CD1D: variants seen among roughly 807,000 people sequenced by gnomAD.
The protein encoded by CD1D is antigen-presenting glycoprotein CD1d.
A neutral mutation model predicts 42.1 loss-of-function variants in CD1D; 40 were observed. The observed-to-expected ratio is 0.95, with a 90% CI of 0.74 to 1.24. CD1D has a LOEUF of 1.24. Among genes scored for constraint, CD1D ranks in the 50% most tolerant of loss-of-function variants. The probability of loss-of-function intolerance (pLI) is 0.00; values close to 1 mark genes in which losing one functional copy is unlikely to be tolerated. For synonymous variants in CD1D, 178 were observed against 171.8 expected (o/e 1.04, Z -0.28); for missense variants, 437 against 416.5 (o/e 1.05, Z -0.43).
Position 158,181,067 on chromosome 1 carries a change from C to T in CD1D, c.-35C>T. On this transcript the variant is annotated 5_prime_UTR_variant, in exon 1 of 6. Coordinates refer to ENST00000674085, the MANE Select transcript of CD1D (RefSeq NM_001371762.2). ...AGTGCGCAGGTCAGAGGGCGGCGCG[C>T]AGCGGCGCTCCGCGAGGTCCCCACG... The T allele has an allele frequency of 2.6e-6, 4 of 1,521,118 alleles. No individual in the cohort carries two copies. The highest frequency in any genetic ancestry group is 2.6e-6 in the Non-Finnish European group (3 of 1,132,558). 94.2% of individuals were successfully genotyped at this position (1,521,118 alleles called of 1,614,324 possible).
At chr1:158,181,847 T>A in intron 2 of CD1D, 126 bp downstream of exon 2, 2 of 1,395,282 alleles carry the variant, frequency 1.4e-6, no homozygotes, top group South Asian at 2.6e-5. Context: ...CTGATTTCCC[T>A]TCTACCTGGA....
chr1:158,180,832 G>T (rs1648355190), upstream of CD1D: 1 of 393,658 alleles, frequency 2.5e-6, no homozygotes, highest in Admixed American at 4.1e-5. Flanking sequence ...ATTGAGACAC[G>T]CCGGTTGTGA....
At chr1:158,181,921 T>G in intron 2 of CD1D, 111 bp from the exon 3 acceptor site, 1 of 1,429,406 alleles carries the variant, frequency 7.0e-7, no homozygotes, top group Non-Finnish European at 9.5e-7. Context: ...TCACTTACTT[T>G]CCTTTCCCTG....
Position 158,183,120 on chromosome 1 carries a change from A to G in CD1D, c.850A>G (p.Ser284Gly), listed in dbSNP as rs143328267. The part of the protein sequence containing the change: ...AAGLSCRVKH[S>G]SLEGQDIVLY... ...TGGCCTGTCCTGTCGGGTGAAGCAC[A>G]GCAGTCTAGAGGGCCAGGACATCGT... is the stretch of plus-strand genomic sequence containing the variant. Residue 284 changes from serine to glycine, a missense_variant, in exon 4 of 6, where the codon AGC (serine) becomes GGC (glycine). Transcript: ENST00000674085. The G allele has an allele frequency of 2.9e-4, 462 of 1,613,488 alleles. 2 individuals are homozygous for G. The highest frequency in any genetic ancestry group is 4.8e-4 in the Admixed American group (29 of 60,016).
In CD1D at chr1:158,181,547, G is replaced by T. The variant is rs770791482; in HGVS notation, c.154G>T (p.Glu52Ter). 7.4e-6 allele frequency: 12 copies of T among 1,614,020 alleles called. No individual in the cohort carries two copies. The highest frequency in any genetic ancestry group is 1.0e-5 in the Non-Finnish European group (12 of 1,180,040). Residue 52 changes from glutamate (E) to a stop codon, truncating the protein, a stop_gained, in exon 2 of 6, where the codon GAG (glutamate) becomes TAG (stop). Coordinates refer to ENST00000674085, the MANE Select transcript of CD1D (RefSeq NM_001371762.2). LOFTEE classifies it high-confidence loss of function. ...CACCGACGGCTTGGCGTGGCTGGGGGAGCTGCAGACGCACAGCTGGAGCAA... is the reference window on the plus strand; with the variant it reads ...CACCGACGGCTTGGCGTGGCTGGGGTAGCTGCAGACGCACAGCTGGAGCAA... ...TRTDGLAWLG[E>*]LQTHSWSNDS... is the part of the protein sequence containing the mutation.
chr1:158,181,792 A>T, intron 2 of CD1D, 71 bp downstream of exon 2: 1 of 1,555,736 alleles, frequency 6.4e-7, no homozygotes, highest in Non-Finnish European at 8.8e-7. Flanking sequence ...CAACTGGGAG[A>T]CTGTGGCACC....
chr1:158,180,434 T>G (rs1648338576), upstream of CD1D, among the ~76,000 whole-genome samples: 2 of 151,942 alleles, frequency 1.3e-5, no homozygotes, highest in African/African-American at 4.8e-5. Context: ...GCAAGGACCA[T>G]GACAGGAGGA....
Position 158,181,041 on chromosome 1 carries a change from G to T in CD1D, c.-61G>T. The T allele has an allele frequency of 7.1e-7, 1 of 1,408,170 alleles. No homozygotes were observed. The highest frequency in any genetic ancestry group is 9.6e-7 in the Non-Finnish European group (1 of 1,046,670). The allele number at this position is 1,408,170 out of a possible 1,614,324, so 87.2% of individuals were successfully genotyped here. ...ACGTGAGCTGAGCGGCGGGGGAGAA[G>T]AGTGCGCAGGTCAGAGGGCGGCGCG... is the stretch of plus-strand genomic sequence containing the variant. On this transcript the variant is annotated 5_prime_UTR_variant, in exon 1 of 6. Coordinates refer to ENST00000674085, the MANE Select transcript of CD1D (RefSeq NM_001371762.2).
chr1:158,182,455 C>A (rs753823102), intron 3 of CD1D, 145 bp downstream of exon 3: 2 of 862,728 alleles, frequency 2.3e-6, no homozygotes, highest in Admixed American at 4.5e-5. Context: ...TTATTCATTT[C>A]ACAGACATCA....
In CD1D at chr1:158,181,177, G is replaced by A; in HGVS notation, c.61+15G>A. 6.5e-7 allele frequency: 1 copy of A among 1,549,624 alleles called. No individual in the cohort carries two copies. Among genetic ancestry groups the A allele is most frequent in the Non-Finnish European group, 8.7e-7 (1 of 1,146,766 alleles). ...AAGCGCTGAAGGTGGGTGGAACGAG[G>A]GCGCTTGAGTGCACTCGCGGGAGGG... On this transcript the variant is annotated intron_variant, in intron 1 of 5. Transcript: ENST00000674085.
Position 158,181,577 on chromosome 1 carries a change from T to C in CD1D, c.184T>C (p.Ser62Pro). 1.2e-6 allele frequency: 2 copies of C among 1,614,060 alleles called. No individual in the cohort carries two copies. Among genetic ancestry groups the C allele is most frequent in the Non-Finnish European group, 1.7e-6 (2 of 1,180,034 alleles). Residue 62 changes from serine to proline, a missense_variant, in exon 2 of 6, where the codon TCG (serine) becomes CCG (proline). Ser to Pro is a moderately conservative substitution (Grantham distance 74). Coordinates refer to ENST00000674085, the MANE Select transcript of CD1D (RefSeq NM_001371762.2). Reference protein sequence around the residue: ...ELQTHSWSNDSDTVRSLKPWS... With the variant: ...ELQTHSWSNDPDTVRSLKPWS... ...GCAGACGCACAGCTGGAGCAACGAC[T>C]CGGACACCGTCCGCTCTCTGAAGCC... is the stretch of plus-strand genomic sequence containing the variant.
rs1648665748 is a variant in CD1D at position 158,185,516 on chromosome 1, CTG to C, written c.*1368_*1369del. Among the ~76,000 whole-genome samples the C allele has an allele frequency of 6.6e-6, 1 of 152,052 alleles. No individual in the cohort carries two copies. The highest frequency in any genetic ancestry group is 1.5e-5 in the Non-Finnish European group (1 of 67,982). On this transcript the variant is annotated 3_prime_UTR_variant, in exon 6 of 6. Transcript: ENST00000674085. ...TCAGCCTGGGCAACATAGTGAGACC[CTG>C]TCTCTACAAAAAATTAAAAAACTAG...
chr1:158,179,101 C>T (rs1648280284), upstream of CD1D, among the ~76,000 whole-genome samples: 1 of 152,074 alleles, frequency 6.6e-6, no homozygotes, highest in Admixed American at 6.5e-5. Flanking sequence ...AAAAACTAAA[C>T]AGAACTGTTC....
chr1:158,179,470 G>C (rs1648294497), upstream of CD1D, among the ~76,000 whole-genome samples: 1 of 152,184 alleles, frequency 6.6e-6, no homozygotes, highest in Non-Finnish European at 1.5e-5. Context: ...AGATTATGGA[G>C]ACATGATCCT....
In CD1D at chr1:158,181,510, CAGCTGGA is replaced by C. The variant is rs1231923132; in HGVS notation, c.118_124del (p.Ser40ArgfsTer27). The C allele has an allele frequency of 3.1e-6, 5 of 1,614,140 alleles. No individual in the cohort carries two copies. The highest frequency in any genetic ancestry group is 4.2e-6 in the Non-Finnish European group (5 of 1,180,026). On this transcript the variant is annotated frameshift_variant, in exon 2 of 6. Coordinates refer to ENST00000674085, the MANE Select transcript of CD1D (RefSeq NM_001371762.2). LOFTEE classifies it high-confidence loss of function. ...TCCAGATCTCGTCCTTCGCCAATAG[CAGCTGGA>C]CGCGCACCGACGGCTTGGCGTGGCT...
chr1:158,178,710 A>T (rs1166679308), upstream of CD1D, among the ~76,000 whole-genome samples: 1 of 152,138 alleles, frequency 6.6e-6, no homozygotes. Flanking sequence ...GTCCACATAT[A>T]AGTGAGATCA....
chr1:158,184,017 C>A lies in CD1D; in HGVS notation c.968C>A (p.Ser323Tyr). The change falls in exon 5 of 6, where the codon TCC (serine) becomes TAC (tyrosine). Residue 323 changes from serine (S) to tyrosine (Y), a missense_variant. Transcript: ENST00000674085. Reference sequence around the variant, plus strand: ...TTCCTCCTCATTGTGGGCTTTACCTCCCGGTTTAAGAGGCAAACGTAAGTC... The same window carrying A: ...TTCCTCCTCATTGTGGGCTTTACCTACCGGTTTAAGAGGCAAACGTAAGTC... The part of the protein sequence containing the change: ...LLFLLIVGFT[S>Y]RFKRQTSYQG... 6.2e-7 allele frequency: 1 copy of A among 1,614,160 alleles called. No individual in the cohort carries two copies.
At chr1:158,183,850 AC>A in intron 4 of CD1D, 85 bp from the exon 5 acceptor site, 6 of 977,640 alleles carry the variant, frequency 6.1e-6, no homozygotes, top group Non-Finnish European at 9.7e-6. Flanking sequence ...AGCACCTGGT[AC>A]CCTCACACAT....
At position 158,181,173 on chromosome 1, in the gene CD1D, C is replaced by T; in HGVS notation, c.61+11C>T. 6 of 1,549,580 alleles carry T rather than the reference C, an allele frequency of 3.9e-6. No homozygotes were observed. Among genetic ancestry groups the T allele is most frequent in the Non-Finnish European group, 5.2e-6 (6 of 1,146,852 alleles). On this transcript the variant is annotated intron_variant, in intron 1 of 5. Transcript: ENST00000674085. ...GGGGAAGCGCTGAAGGTGGGTGGAA[C>T]GAGGGCGCTTGAGTGCACTCGCGGG...
Sources: gnomAD v4.1 joint callset for allele counts (sites outside exome capture counted in the v4.1 genomes callset) on GRCh38, gnomAD v4.1.1 for gene constraint, MANE v1.5 for transcripts, NCBI Gene and HGNC (gene_info 2026-07-23, HGNC 2026-07-21) for gene names.